The following MYRIP variants were observed in gnomAD, a reference collection of about 807,000 sequenced individuals.
MYRIP encodes the protein rab effector MyRIP.
A neutral mutation model predicts 98.0 loss-of-function variants in MYRIP; 49 were observed. The observed-to-expected ratio is 0.50, with a 90% CI of 0.40 to 0.63. The LOEUF (loss-of-function observed/expected upper bound fraction) is 0.63, where lower values mean the gene tolerates loss of function less well. Among genes scored for constraint, MYRIP ranks in the 30% least tolerant of loss-of-function variants. The pLI is 0.00. For synonymous variants in MYRIP, 404 were observed against 409.5 expected (o/e 0.99, Z 0.16); for missense variants, 1,004 against 1,058.2 (o/e 0.95, Z 0.71).
intron 11 of MYRIP, among the ~76,000 whole-genome samples, chr3:40,228,631 TC>T (rs1952559542): frequency 6.6e-6 from 1 of 152,222 alleles, no homozygotes; most frequent in Non-Finnish European, 1.5e-5. Context: ...GCCTTTTTGC[TC>T]TTGTTCTTGT....
intron 1 of MYRIP, among the ~76,000 whole-genome samples, chr3:39,885,947 C>T (rs1011162533): frequency 6.6e-6 from 1 of 151,762 alleles, no homozygotes; most frequent in African/African-American, 2.4e-5. Context: ...TTTGAATGTC[C>T]TCCCGTAGCT....
intron 3 of MYRIP, among the ~76,000 whole-genome samples, chr3:40,135,865 A>C (rs1005353274): frequency 4.6e-5 from 7 of 152,216 alleles, no homozygotes; most frequent in Admixed American, 6.5e-5. Flanking sequence ...GCCTGCCCCA[A>C]AAGAGCTCCT....
At chr3:40,126,083 A>C (rs1462973314) in intron 3 of MYRIP, among the ~76,000 whole-genome samples, 1 of 152,142 alleles carries the variant, frequency 6.6e-6, no homozygotes, top group Non-Finnish European at 1.5e-5. Context: ...TGTTTTCCTC[A>C]CAGCATTGAA....
At chr3:40,147,829 G>A (rs568552040) in intron 3 of MYRIP, among the ~76,000 whole-genome samples, 3 of 152,188 alleles carry the variant, frequency 2.0e-5, no homozygotes, top group South Asian at 4.2e-4. Flanking sequence ...CTTATTGAAT[G>A]CCCCATTTGG....
At chr3:40,069,936 TTAC>T (rs1948191348) in intron 3 of MYRIP, among the ~76,000 whole-genome samples, 1 of 152,180 alleles carries the variant, frequency 6.6e-6, no homozygotes, top group Admixed American at 6.5e-5. Context: ...CATTTAAATT[TTAC>T]CCCAGCTTAT....
chr3:39,857,942 A>G (rs368936040), intron 1 of MYRIP, among the ~76,000 whole-genome samples: 1 of 152,190 alleles, frequency 6.6e-6, no homozygotes, highest in African/African-American at 2.4e-5. Flanking sequence ...AAAGTCATCA[A>G]ATTGCAAAGG....
At chr3:40,173,967 T>C (rs981669868) in intron 8 of MYRIP, 3 of 152,380 alleles carry the variant, frequency 2.0e-5, no homozygotes, top group African/African-American at 4.8e-5. Context: ...TCTAGATTTT[T>C]ATATAAAAAT....
intron 2 of MYRIP, among the ~76,000 whole-genome samples, chr3:40,034,608 C>T (rs1947335795): frequency 6.7e-6 from 1 of 150,076 alleles, no homozygotes; most frequent in Non-Finnish European, 1.5e-5. Flanking sequence ...AATAGGAACA[C>T]TTTTACACTG....
At chr3:39,947,239 ATGT>A (rs1029166330) in intron 2 of MYRIP, among the ~76,000 whole-genome samples, 4 of 152,118 alleles carry the variant, frequency 2.6e-5, no homozygotes, top group African/African-American at 7.2e-5. Flanking sequence ...AGGGATTTAA[ATGT>A]TGGGAAATGA....
intron 3 of MYRIP, among the ~76,000 whole-genome samples, chr3:40,051,529 C>A (rs991712267): frequency 6.6e-6 from 1 of 152,056 alleles, no homozygotes; most frequent in Non-Finnish European, 1.5e-5. Context: ...CACTGGGAAA[C>A]AAAAAATTTG....
At chr3:40,194,233 T>A (rs1200813306) in intron 10 of MYRIP, among the ~76,000 whole-genome samples, 1 of 152,100 alleles carries the variant, frequency 6.6e-6, no homozygotes, top group Non-Finnish European at 1.5e-5. Context: ...CGTCTGTACT[T>A]TATCCTTCTG....
chr3:39,829,485 CT>C (rs1941372868), intron 1 of MYRIP, among the ~76,000 whole-genome samples: 1 of 152,038 alleles, frequency 6.6e-6, no homozygotes, highest in South Asian at 2.1e-4. Context: ...TGTTTTTTCA[CT>C]TGTAGTCCAC....
At chr3:40,165,824 T>C (rs562202770) in intron 5 of MYRIP, among the ~76,000 whole-genome samples, 2 of 152,236 alleles carry the variant, frequency 1.3e-5, no homozygotes, top group Admixed American at 6.5e-5. Flanking sequence ...TTAGCTTGTA[T>C]TCATCTCAGT....
chr3:39,834,071 A>AT (rs1941550689), intron 1 of MYRIP, among the ~76,000 whole-genome samples: 1 of 152,178 alleles, frequency 6.6e-6, no homozygotes, highest in Non-Finnish European at 1.5e-5. Flanking sequence ...GTTCTTTTCT[A>AT]TCCAGTTTGA....
Position 39,851,783 on chromosome 3 carries a change from G to A in MYRIP, c.-31+41867G>A, listed in dbSNP as rs372463317. 5.8e-4 allele frequency among the ~76,000 whole-genome samples: 89 copies of A among 152,242 alleles called. 3 individuals carry two copies. The highest frequency in any genetic ancestry group is 2.1e-3 in the African/African-American group (88 of 41,548). ...AGCATGAGCTTGGAGCCTCCATGGG[G>A]CATCAGGAGAGGCAATGGTTCAAAT... is the stretch of plus-strand genomic sequence containing the variant. On this transcript the variant is annotated intron_variant, in intron 1 of 16. Transcript: ENST00000302541.
chr3:40,009,084 G>A (rs921944521), intron 2 of MYRIP, among the ~76,000 whole-genome samples: 2 of 152,196 alleles, frequency 1.3e-5, no homozygotes, highest in Admixed American at 1.3e-4. Flanking sequence ...AGTGTTCCCT[G>A]CTGGAGTGAG....
chr3:39,926,728 G>C (rs750731209), intron 2 of MYRIP, among the ~76,000 whole-genome samples: 1 of 151,960 alleles, frequency 6.6e-6, no homozygotes, highest in Non-Finnish European at 1.5e-5. Context: ...TGCTGTTTTG[G>C]TTATTGTAGC....
chr3:40,181,214 C>T (rs1019806993), intron 8 of MYRIP, among the ~76,000 whole-genome samples: 2 of 105,884 alleles, frequency 1.9e-5, no homozygotes, highest in African/African-American at 3.6e-5. Context: ...GTAGTGTAGC[C>T]GAGGTGGTCA....
intron 1 of MYRIP, among the ~76,000 whole-genome samples, chr3:39,826,663 G>A (rs1004416622): frequency 2.6e-5 from 4 of 151,990 alleles, no homozygotes; most frequent in Non-Finnish European, 2.9e-5. Flanking sequence ...TTTGGTCTGG[G>A]GTGCAGTTTA....
Sources: gnomAD v4.1 joint callset for allele counts (sites outside exome capture counted in the v4.1 genomes callset) on GRCh38, gnomAD v4.1.1 for gene constraint, MANE v1.5 for transcripts, NCBI Gene and HGNC (gene_info 2026-07-23, HGNC 2026-07-21) for gene names.